KHDC1: variants seen among roughly 807,000 people sequenced by gnomAD.
The protein encoded by KHDC1 is KH domain containing 1.
Under a neutral mutation model 24.7 loss-of-function variants are expected in KHDC1, and 21 were observed. That is an observed-to-expected ratio of 0.85 (90% CI 0.60 to 1.23). KHDC1 has a LOEUF of 1.23. Ranked by LOEUF, KHDC1 falls within the 50% of genes most tolerant of loss-of-function variation. The pLI is 0.00. For synonymous variants in KHDC1, 98 were observed against 111.7 expected (o/e 0.88, Z 0.77); for missense variants, 274 against 298.5 (o/e 0.92, Z 0.61).
intron 2 of KHDC1, among the ~76,000 whole-genome samples, chr6:73,264,570 G>A (rs1453688993): frequency 6.6e-6 from 1 of 152,216 alleles, no homozygotes; most frequent in Non-Finnish European, 1.5e-5. Context: ...GAGCAGGTAT[G>A]TGCAGTGCCA....
At chr6:73,241,627 G>A (rs1385811767) in exon 5 of KHDC1, 2 of 1,614,076 alleles carry the variant, frequency 1.2e-6, no homozygotes. Flanking sequence ...CTTATCCTGG[G>A]AGCCAAAGAC....
chr6:73,289,818 C>T (rs1767605650), intron 2 of KHDC1, among the ~76,000 whole-genome samples: 1 of 151,336 alleles, frequency 6.6e-6, no homozygotes, highest in Non-Finnish European at 1.5e-5. Context: ...ATTAGCCAGG[C>T]GGCCGGGCGC....
intron 1 of KHDC1, among the ~76,000 whole-genome samples, chr6:73,298,737 A>G (rs1453756685): frequency 1.3e-5 from 2 of 150,412 alleles, no homozygotes; most frequent in South Asian, 4.2e-4. Flanking sequence ...CCGGCCTGTA[A>G]ACTTTTAAGA....
chr6:73,241,356 T>C, exon 5 of KHDC1: 4 of 611,954 alleles, frequency 6.5e-6, no homozygotes, highest in Non-Finnish European at 1.2e-5. Flanking sequence ...GCTTTGCCAA[T>C]AACACTTTCT....
intron 2 of KHDC1, among the ~76,000 whole-genome samples, chr6:73,280,577 A>G (rs990471925): frequency 1.4e-5 from 2 of 147,880 alleles, no homozygotes; most frequent in Non-Finnish European, 3.0e-5. Context: ...CTGGAGTACA[A>G]TGGCATAATC....
chr6:73,243,351 A>G (rs1017884215), intron 2 of KHDC1, among the ~76,000 whole-genome samples: 1 of 151,664 alleles, frequency 6.6e-6, no homozygotes, highest in Non-Finnish European at 1.5e-5. Flanking sequence ...GTGCTTTTTC[A>G]CTCTTCAGCC....
chr6:73,296,419 C>T (rs1404491918), intron 1 of KHDC1, among the ~76,000 whole-genome samples: 2 of 152,146 alleles, frequency 1.3e-5, no homozygotes, highest in African/African-American at 2.4e-5. Context: ...TGCCACTGCA[C>T]TGTAGCCTGG....
intron 2 of KHDC1, among the ~76,000 whole-genome samples, chr6:73,244,864 C>G (rs1444796672): frequency 2.0e-5 from 3 of 152,108 alleles, no homozygotes; most frequent in African/African-American, 7.2e-5. Context: ...GCACAGGAGT[C>G]TAAGCCTGCA....
intron 2 of KHDC1, among the ~76,000 whole-genome samples, chr6:73,257,835 T>C (rs1467426207): frequency 6.6e-6 from 1 of 152,108 alleles, no homozygotes; most frequent in East Asian, 1.9e-4. Flanking sequence ...AGGCCAGGCA[T>C]GGTAGCTCAC....
At chr6:73,259,195 A>G (rs972623702) in intron 2 of KHDC1, among the ~76,000 whole-genome samples, 1 of 150,384 alleles carries the variant, frequency 6.6e-6, no homozygotes, top group Non-Finnish European at 1.5e-5. Flanking sequence ...CCGTGTGGCT[A>G]TGAAAGTGAT....
intron 2 of KHDC1, among the ~76,000 whole-genome samples, chr6:73,253,981 A>T (rs1459782265): frequency 6.6e-6 from 1 of 152,152 alleles, no homozygotes; most frequent in Non-Finnish European, 1.5e-5. Context: ...AATAATAAAA[A>T]TAATAAAAAT....
intron 2 of KHDC1, among the ~76,000 whole-genome samples, chr6:73,287,280 C>T (rs1381558252): frequency 6.6e-6 from 1 of 152,192 alleles, no homozygotes; most frequent in African/African-American, 2.4e-5. Flanking sequence ...ATGATAGCCA[C>T]TATCCCCCAA....
At chr6:73,293,629 A>G (rs1373858317) in intron 1 of KHDC1, among the ~76,000 whole-genome samples, 1 of 152,088 alleles carries the variant, frequency 6.6e-6, no homozygotes, top group Non-Finnish European at 1.5e-5. Flanking sequence ...AAAATTAGCA[A>G]AGCATGGTGG....
chr6:73,284,135 AG>A (rs1582577265), intron 2 of KHDC1, among the ~76,000 whole-genome samples: 1 of 152,186 alleles, frequency 6.6e-6, no homozygotes, highest in African/African-American at 2.4e-5. Context: ...GAACTGAAAC[AG>A]CCTTTGTAAG....
At chr6:73,266,434 T>C (rs1471108059) in intron 2 of KHDC1, among the ~76,000 whole-genome samples, 1 of 152,216 alleles carries the variant, frequency 6.6e-6, no homozygotes, top group East Asian at 1.9e-4. Context: ...GAGGAAGCAG[T>C]TATCAAGAGC....
intron 2 of KHDC1, chr6:73,262,778 T>G: frequency 2.0e-6 from 2 of 985,518 alleles, no homozygotes; most frequent in Non-Finnish European, 1.2e-6. Flanking sequence ...ACCCACCAGA[T>G]AGGATGCTCT....
chr6:73,309,995 G>C, exon 1 of KHDC1: 1 of 394,908 alleles, frequency 2.5e-6, no homozygotes, highest in South Asian at 3.1e-5. Context: ...CCAAACAACG[G>C]TGATAACATC....
intron 2 of KHDC1, among the ~76,000 whole-genome samples, chr6:73,289,159 C>T (rs1353305504): frequency 1.3e-5 from 2 of 151,324 alleles, no homozygotes; most frequent in African/African-American, 4.9e-5. Flanking sequence ...CATGGCGAAA[C>T]CCCACCTCTG....
intron 1 of KHDC1, among the ~76,000 whole-genome samples, chr6:73,304,819 C>T (rs1221905409): frequency 6.6e-6 from 1 of 152,176 alleles, no homozygotes; most frequent in Non-Finnish European, 1.5e-5. Flanking sequence ...CATAGCTGGT[C>T]TGGGATGCGT....
Sources: gnomAD v4.1 joint callset for allele counts (sites outside exome capture counted in the v4.1 genomes callset) on GRCh38, gnomAD v4.1.1 for gene constraint, MANE v1.5 for transcripts, NCBI Gene and HGNC (gene_info 2026-07-23, HGNC 2026-07-21) for gene names.